NBEA: variants seen among roughly 807,000 people sequenced by gnomAD.
The protein encoded by NBEA is neurobeachin, also known as lysosomal-trafficking regulator 2.
In NBEA, 44 loss-of-function variants were observed where a neutral mutation model predicts 343.4. That is an observed-to-expected ratio of 0.13 (90% CI 0.10 to 0.16). The LOEUF is 0.16. Ranked by LOEUF, NBEA falls within the 10% of genes least tolerant of loss-of-function variation. NBEA has a pLI of 1.00. For synonymous variants in NBEA, 1,175 were observed against 1,238.7 expected, an observed-to-expected ratio of 0.95 and a Z score of 1.08; for missense variants, 2,555 against 3,631.3, an observed-to-expected ratio of 0.70 and a Z score of 7.62.
chr13:35,478,230 G>T (rs1298652870), intron 41 of NBEA, among the ~76,000 whole-genome samples: 1 of 152,184 alleles, frequency 6.6e-6, no homozygotes, highest in Non-Finnish European at 1.5e-5. Flanking sequence ...AACAGTGATA[G>T]ATTCCAATTT....
rs529201184 is a variant in NBEA at position 35,650,595 on chromosome 13, G to A, written c.7963+748G>A. Among the ~76,000 whole-genome samples, 788 of 152,240 alleles carry A rather than the reference G, an allele frequency of 5.2e-3. 9 individuals carry two copies. The highest frequency in any genetic ancestry group is 0.017 in the African/African-American group (717 of 41,550). On this transcript the variant is annotated intron_variant, in intron 52 of 58. Transcript: ENST00000379939. ...CAGGCACCTGTAATCCCAGCTACTCGGGAGGCTGAGGCAGGAGAAACGCTT... is the reference window on the plus strand; with the variant it reads ...CAGGCACCTGTAATCCCAGCTACTCAGGAGGCTGAGGCAGGAGAAACGCTT...
chr13:35,280,185 CAT>C (rs2034953658), intron 34 of NBEA, among the ~76,000 whole-genome samples: 1 of 152,012 alleles, frequency 6.6e-6, no homozygotes, highest in Non-Finnish European at 1.5e-5. Flanking sequence ...TCTGATTAAA[CAT>C]ATATTTTAGC....
At chr13:35,442,981 C>T (rs1389337395) in intron 39 of NBEA, among the ~76,000 whole-genome samples, 9 of 152,042 alleles carry the variant, frequency 5.9e-5, no homozygotes. Context: ...TTGCAAGTAT[C>T]CTTGATGTCC....
intron 35 of NBEA, among the ~76,000 whole-genome samples, chr13:35,302,659 C>T (rs2036630711): frequency 1.3e-5 from 2 of 152,026 alleles, no homozygotes; most frequent in African/African-American, 4.8e-5. Context: ...AAAAAATGCA[C>T]CAGGAAATAT....
At chr13:35,084,505 G>T (rs1172375073) in intron 10 of NBEA, among the ~76,000 whole-genome samples, 1 of 152,076 alleles carries the variant, frequency 6.6e-6, no homozygotes, top group Non-Finnish European at 1.5e-5. Flanking sequence ...TGAAACGAAG[G>T]TATAAATAAA....
chr13:35,574,418 G>T (rs973513465), intron 45 of NBEA, among the ~76,000 whole-genome samples: 5 of 136,978 alleles, frequency 3.7e-5, no homozygotes, highest in Non-Finnish European at 6.3e-5. Context: ...AACAAGGAAA[G>T]AAAAAGAAAA....
At position 35,113,771 on chromosome 13, in the gene NBEA, C is replaced by G. The variant is rs527800935; in HGVS notation, c.2002+2793C>G. On this transcript the variant is annotated intron_variant, in intron 13 of 58. Coordinates refer to ENST00000379939, the MANE Select transcript of NBEA (RefSeq NM_001385012.1). ...AGGTCTCTGTTGCACATAGTCAGCT[C>G]TGACATTGTATTGCAGAAATAACCA... Among the ~76,000 whole-genome samples, 5 of 152,268 alleles carry G rather than the reference C, an allele frequency of 3.3e-5. 1 individual carries two copies. Among genetic ancestry groups the G allele is most frequent in the Admixed American group, 3.3e-4 (5 of 15,294 alleles).
chr13:35,109,531 A>G, intron 12 of NBEA, 89 bp downstream of exon 12: 7 of 1,217,418 alleles, frequency 5.7e-6, no homozygotes, highest in Non-Finnish European at 6.5e-6. Context: ...AAAACATTTG[A>G]ACATTTTAGC....
chr13:35,043,024 A>C (rs924131246), intron 2 of NBEA, among the ~76,000 whole-genome samples: 8 of 152,008 alleles, frequency 5.3e-5, no homozygotes, highest in African/African-American at 1.7e-4. Flanking sequence ...TTTTAAAAAA[A>C]ATCATTTCTA....
chr13:35,259,673 T>C (rs530607595), intron 34 of NBEA, among the ~76,000 whole-genome samples: 2 of 152,112 alleles, frequency 1.3e-5, no homozygotes, highest in African/African-American at 4.8e-5. Flanking sequence ...AAATATATTA[T>C]AATTATTCTT....
intron 38 of NBEA, among the ~76,000 whole-genome samples, chr13:35,400,955 C>G (rs771204020): frequency 6.6e-6 from 1 of 151,882 alleles, no homozygotes. Context: ...TGGCACATCC[C>G]TCTTTATCAT....
chr13:35,583,995 A>C lies in NBEA; in HGVS notation c.7133A>C (p.His2378Pro), dbSNP rs746580665. 1.2e-5 allele frequency: 19 copies of C among 1,613,458 alleles called. No homozygotes were observed. Among genetic ancestry groups the C allele is most frequent in the Non-Finnish European group, 2.5e-6 (3 of 1,179,592 alleles). The change falls in exon 46 of 59, where the codon CAT becomes CCT. Residue 2378 changes from histidine (H) to proline (P), a missense_variant. Around this residue, in one of 21 missense-constraint regions of NBEA, gnomAD observed 156 missense variants for 185.8 expected, o/e 0.84. Coordinates refer to ENST00000379939, the MANE Select transcript of NBEA (RefSeq NM_001385012.1). ...AGCCCACCCTACCATTATAATACCC[A>C]TTATTCAACAGCAACATCTACTTTA... ...DQSPPYHYNTHYSTATSTLSW... is the reference protein window; with the variant it reads ...DQSPPYHYNTPYSTATSTLSW...
intron 34 of NBEA, among the ~76,000 whole-genome samples, chr13:35,287,549 G>GT (rs2035512489): frequency 6.6e-6 from 1 of 151,706 alleles, no homozygotes; most frequent in Non-Finnish European, 1.5e-5. Flanking sequence ...AGCTATAAAG[G>GT]TTTTTTTCAG....
At chr13:35,498,518 T>G (rs1218798226) in intron 41 of NBEA, among the ~76,000 whole-genome samples, 1 of 152,002 alleles carries the variant, frequency 6.6e-6, no homozygotes, top group Non-Finnish European at 1.5e-5. Flanking sequence ...ATGAAATGAT[T>G]TTCTTAAAGC....
chr13:34,988,508 C>CCCCCTG (rs1264171172), intron 1 of NBEA, among the ~76,000 whole-genome samples: 1 of 150,816 alleles, frequency 6.6e-6, no homozygotes, highest in African/African-American at 2.4e-5. Flanking sequence ...AATGGCAGAC[C>CCCCCTG]CCCCTGCCCC....
intron 17 of NBEA, among the ~76,000 whole-genome samples, chr13:35,139,772 T>A (rs1026885364): frequency 4.9e-5 from 7 of 142,794 alleles, no homozygotes; most frequent in East Asian, 2.0e-4. Flanking sequence ...TTTTTTTTTT[T>A]ATCTCTTGAC....
intron 13 of NBEA, among the ~76,000 whole-genome samples, chr13:35,111,587 A>G (rs2066209183): frequency 6.6e-6 from 1 of 151,970 alleles, no homozygotes; most frequent in African/African-American, 2.4e-5. Context: ...TTATAGATTG[A>G]GATTTTCTCA....
intron 13 of NBEA, among the ~76,000 whole-genome samples, chr13:35,114,697 G>A (rs2066407795): frequency 6.6e-6 from 1 of 152,182 alleles, no homozygotes; most frequent in East Asian, 1.9e-4. Flanking sequence ...GAGAAGGAAA[G>A]GAAGAGTACC....
At chr13:35,038,181 C>G (rs1718260370) in intron 1 of NBEA, among the ~76,000 whole-genome samples, 1 of 152,114 alleles carries the variant, frequency 6.6e-6, no homozygotes, top group Admixed American at 6.6e-5. Flanking sequence ...TGCCAGAGTA[C>G]CACCGACATT....
Sources: gnomAD v4.1 joint callset for allele counts (sites outside exome capture counted in the v4.1 genomes callset) on GRCh38, gnomAD v4.1.1 for gene constraint, gnomAD v4.1.1 regional missense constraint, MANE v1.5 for transcripts, NCBI Gene and HGNC (gene_info 2026-07-23, HGNC 2026-07-21) for gene names.